The following CASR variants were observed in gnomAD, a reference collection of about 807,000 sequenced individuals.
CASR encodes calcium sensing receptor.
In CASR, 23 loss-of-function variants were observed where a neutral mutation model predicts 69.1. The ratio of observed to expected loss-of-function variants is 0.33; its 90% CI spans 0.24 to 0.47. The LOEUF is 0.47. Ranked by LOEUF, CASR falls within the 20% of genes least tolerant of loss-of-function variation. The pLI, the probability that CASR is intolerant of heterozygous loss-of-function variation, is 1.00. For missense variants in CASR, 924 were observed against 1,356.1 expected (o/e 0.68, Z 5.00); for synonymous variants, 541 against 544.7 (o/e 0.99, Z 0.10).
chr3:122,284,551 G>A lies in CASR; in HGVS notation c.2597G>A (p.Arg866His), dbSNP rs387907401. 5.6e-6 allele frequency: 9 copies of A among 1,613,774 alleles called. No homozygotes were observed. Among genetic ancestry groups the A allele is most frequent in the South Asian group, 1.1e-5 (1 of 91,086 alleles). ...KIYIILFKPSRNTIEEVRCST... is the reference protein window; with the variant it reads ...KIYIILFKPSHNTIEEVRCST... Reference sequence around the variant, plus strand: ...TACATCATTCTCTTCAAGCCATCCCGCAACACCATCGAGGAGGTGCGTTGC... The same window carrying A: ...TACATCATTCTCTTCAAGCCATCCCACAACACCATCGAGGAGGTGCGTTGC... Residue 866 changes from arginine (R) to histidine (H), a missense_variant, in exon 7 of 7, where the codon CGC (arginine) becomes CAC (histidine). Arg to His is a conservative substitution (Grantham distance 29, BLOSUM62 0). Coordinates refer to ENST00000639785, the MANE Select transcript of CASR (RefSeq NM_000388.4).
rs575542454 is a variant in CASR at position 122,223,391 on chromosome 3, C to CA, written c.-242-30551dup. 4.7e-3 allele frequency among the ~76,000 whole-genome samples: 722 copies of CA among 152,188 alleles called. 5 individuals carry two copies. The highest frequency in any genetic ancestry group is 0.017 in the African/African-American group (693 of 41,546). On this transcript the variant is annotated intron_variant, in intron 1 of 6. Transcript: ENST00000639785. ...CATTACAACCAACCGCACAGACATA[C>CA]AAAAAATCCTTAGCGAATATTATCA...
At position 122,276,039 on chromosome 3, in the gene CASR, G is replaced by C. The variant is rs762299355; in HGVS notation, c.1605G>C (p.Arg535Ser). The C allele has an allele frequency of 6.3e-7, 1 of 1,595,236 alleles. No individual in the cohort carries two copies. ...AAATCCTGTGGAGTGGGTTCTCCAG[G>C]GAGGTAGGTGCTGTCCATCAGAAAA... ...EEKILWSGFS[R>S]EVPFSNCSRD... The change falls in exon 5 of 7, where the codon AGG becomes AGC. Residue 535 changes from arginine (R) to serine (S), a missense_variant. By Grantham distance (110) the Arg-to-Ser change is moderately radical (BLOSUM62 -1). This residue lies in a region of CASR where 310 missense variants were observed against 395.7 expected (regional missense o/e 0.78). Coordinates refer to ENST00000639785, the MANE Select transcript of CASR (RefSeq NM_000388.4).
chr3:122,187,101 C>T (rs2073793494), intron 1 of CASR, among the ~76,000 whole-genome samples: 1 of 151,938 alleles, frequency 6.6e-6, no homozygotes, highest in African/African-American at 2.4e-5. Flanking sequence ...ATCCATATTC[C>T]CATTAATAAG....
In CASR at chr3:122,252,450, A is replaced by AAG. The variant is rs1553765694; in HGVS notation, c.-242-1497_-242-1496insGA. On this transcript the variant is annotated intron_variant, in intron 1 of 6. Coordinates refer to ENST00000639785, the MANE Select transcript of CASR (RefSeq NM_000388.4). ...GAAAGAAAGAAAGAAAGAAAGAAAA[A>AAG]AAAGAAAAGAAAGAAAAGAAAAGAA... 4.7e-3 allele frequency among the ~76,000 whole-genome samples: 477 copies of AAG among 100,510 alleles called. 25 individuals carry two copies. The highest frequency in any genetic ancestry group is 0.018 in the African/African-American group (434 of 23,922). 65.9% of individuals were successfully genotyped at this position (100,510 alleles called of 152,430 possible). A position where few individuals can be genotyped will look rare whatever the true frequency, so the allele number is the denominator to read the frequency against.
At chr3:122,264,180 C>A (rs2074660616) in intron 4 of CASR, among the ~76,000 whole-genome samples, 1 of 150,914 alleles carries the variant, frequency 6.6e-6, no homozygotes, top group African/African-American at 2.4e-5. Flanking sequence ...AAGCCCTAAC[C>A]AAATTGGCAT....
At chr3:122,272,376 C>A (rs1039736501) in intron 4 of CASR, among the ~76,000 whole-genome samples, 1 of 152,168 alleles carries the variant, frequency 6.6e-6, no homozygotes, top group Non-Finnish European at 1.5e-5. Context: ...CTAGTACATA[C>A]ATGATTCTTG....
chr3:122,188,502 C>CAA (rs35443049), intron 1 of CASR, among the ~76,000 whole-genome samples: 2 of 151,612 alleles, frequency 1.3e-5, no homozygotes, highest in African/African-American at 2.4e-5. Flanking sequence ...TGATCGGTAC[C>CAA]AAAAAAAATG....
intron 3 of CASR, among the ~76,000 whole-genome samples, chr3:122,260,087 G>A (rs2074602081): frequency 2.0e-5 from 3 of 152,162 alleles, no homozygotes; most frequent in Admixed American, 2.0e-4. Context: ...AACTTCCTAA[G>A]TGGTGAGCCA....
chr3:122,196,106 C>T (rs2073886482), intron 1 of CASR, among the ~76,000 whole-genome samples: 1 of 151,916 alleles, frequency 6.6e-6, no homozygotes, highest in East Asian at 1.9e-4. Flanking sequence ...CTAAATAAAG[C>T]ATGATACATA....
rs201829972 is a variant in CASR, at chr3:122,275,890, G to T, written c.1456G>T (p.Val486Leu). 7 of 1,614,110 alleles carry T rather than the reference G, an allele frequency of 4.3e-6. No homozygotes were observed. Among genetic ancestry groups the T allele is most frequent in the Admixed American group, 3.3e-5 (2 of 60,038 alleles). Residue 486 changes from valine (V) to leucine (L), a missense_variant, in exon 5 of 7, where the codon GTG (valine) becomes TTG (leucine). Val to Leu is a conservative substitution (Grantham distance 32). Transcript: ENST00000639785. Reference protein sequence around the residue: ...QVTFDECGDLVGNYSIINWHL... With the variant: ...QVTFDECGDLLGNYSIINWHL... The stretch of plus-strand genomic sequence containing the variant: ...GACCTTTGATGAGTGTGGTGACCTG[G>T]TGGGGAACTATTCCATCATCAACTG...
intron 4 of CASR, among the ~76,000 whole-genome samples, chr3:122,263,457 A>T (rs1442660927): frequency 6.6e-6 from 1 of 152,244 alleles, no homozygotes; most frequent in Non-Finnish European, 1.5e-5. Flanking sequence ...AGCTCTAAAC[A>T]GATGTGTGAT....
rs1455403070 is a variant in CASR, at chr3:122,289,064, A to C, written c.*3873A>C. On this transcript the variant is annotated 3_prime_UTR_variant, in exon 7 of 7. Coordinates refer to ENST00000639785, the MANE Select transcript of CASR (RefSeq NM_000388.4). ...CCTCTGTCTCCAAAAGGCACATTTC[A>C]AGGCAATGTTGTCTGTCGTTTTGCT... is the stretch of plus-strand genomic sequence containing the variant. 6.6e-6 allele frequency: 1 copy of C among 152,232 alleles called. No individual in the cohort carries two copies. The highest frequency in any genetic ancestry group is 1.5e-5 in the Non-Finnish European group (1 of 68,046). The allele number at this position is 152,232 out of a possible 1,614,324, so 9.4% of individuals were successfully genotyped here. A position where few individuals can be genotyped will look rare whatever the true frequency, so the allele number is the denominator to read the frequency against.
chr3:122,214,959 G>T (rs2074102588), intron 1 of CASR, among the ~76,000 whole-genome samples: 1 of 152,176 alleles, frequency 6.6e-6, no homozygotes, highest in Non-Finnish European at 1.5e-5. Context: ...ACTAATCCAT[G>T]CCACACATTC....
intron 1 of CASR, among the ~76,000 whole-genome samples, chr3:122,236,064 G>T (rs1301144434): frequency 6.6e-6 from 1 of 152,192 alleles, no homozygotes; most frequent in Admixed American, 6.5e-5. Context: ...TCACTTCCCT[G>T]CACCCGGCCC....
chr3:122,206,580 G>A (rs929135436), intron 1 of CASR, among the ~76,000 whole-genome samples: 3 of 151,976 alleles, frequency 2.0e-5, no homozygotes, highest in Non-Finnish European at 2.9e-5. Flanking sequence ...TCAGGATAAC[G>A]CTGACCTCGA....
intron 1 of CASR, among the ~76,000 whole-genome samples, chr3:122,199,916 T>A (rs1439183468): frequency 6.6e-6 from 1 of 152,188 alleles, no homozygotes; most frequent in Non-Finnish European, 1.5e-5. Context: ...TGTTTTTTGT[T>A]TTGTTTTTGA....
intron 1 of CASR, among the ~76,000 whole-genome samples, chr3:122,205,047 G>A (rs2073993172): frequency 6.6e-6 from 1 of 151,896 alleles, no homozygotes; most frequent in African/African-American, 2.4e-5. Flanking sequence ...TTTGTTGATT[G>A]TTTCTTTTGC....
At position 122,287,268 on chromosome 3, in the gene CASR, T is replaced by A. The variant is rs923127693; in HGVS notation, c.*2077T>A. The stretch of plus-strand genomic sequence containing the variant: ...CCCAAGGGGCTTTAGGAGGAAAACA[T>A]AGGTTTACAGTGAGCTTTTATTTCA... On this transcript the variant is annotated 3_prime_UTR_variant, in exon 7 of 7. Transcript: ENST00000639785. 3.9e-5 allele frequency: 6 copies of A among 152,206 alleles called. No individual in the cohort carries two copies. The highest frequency in any genetic ancestry group is 1.4e-4 in the African/African-American group (6 of 41,438). 9.4% of individuals were successfully genotyped at this position (152,206 alleles called of 1,614,324 possible).
At chr3:122,219,727 T>C (rs1415449544) in intron 1 of CASR, among the ~76,000 whole-genome samples, 1 of 152,174 alleles carries the variant, frequency 6.6e-6, no homozygotes, top group Non-Finnish European at 1.5e-5. Flanking sequence ...TATGACACCA[T>C]TGGATGAGAC....
Sources: gnomAD v4.1 joint callset for allele counts (sites outside exome capture counted in the v4.1 genomes callset) on GRCh38, gnomAD v4.1.1 for gene constraint, gnomAD v4.1.1 regional missense constraint, MANE v1.5 for transcripts, NCBI Gene and HGNC (gene_info 2026-07-23, HGNC 2026-07-21) for gene names.